BMP2K: variants seen among roughly 807,000 people sequenced by gnomAD.
BMP2K encodes BMP2 inducible kinase, also known as BMP-2-inducible protein kinase.
In BMP2K, 74 loss-of-function variants were observed where a neutral mutation model predicts 116.0. The observed-to-expected ratio is 0.64, with a 90% CI of 0.53 to 0.77. The LOEUF (loss-of-function observed/expected upper bound fraction) is 0.77. Ranked by LOEUF, BMP2K falls within the 30% of genes least tolerant of loss-of-function variation. The pLI is 0.00. For missense variants in BMP2K, 1,365 were observed against 1,403.6 expected (o/e 0.97, Z 0.44); for synonymous variants, 486 against 502.5 (o/e 0.97, Z 0.44).
chr4:78,872,915 C>T (rs1381064938), intron 13 of BMP2K, 117 bp downstream of exon 13: 2 of 1,043,994 alleles, frequency 1.9e-6, no homozygotes, highest in East Asian at 5.1e-5. Context: ...TGTAGAGCCA[C>T]CCATTCTCTC....
chr4:78,779,472 C>A (rs764583102), intron 1 of BMP2K, among the ~76,000 whole-genome samples: 1 of 152,178 alleles, frequency 6.6e-6, no homozygotes, highest in South Asian at 2.1e-4. Flanking sequence ...AAAAACATGG[C>A]ACTAAATAGA....
intron 1 of BMP2K, 90 bp downstream of exon 1, chr4:78,776,811 C>T (rs1578457131): frequency 9.0e-7 from 1 of 1,108,464 alleles, no homozygotes; most frequent in Non-Finnish European, 1.1e-6. Flanking sequence ...TCCGGACTGA[C>T]TCTTATACCC....
At chr4:78,830,536 A>G (rs1730161163) in intron 2 of BMP2K, among the ~76,000 whole-genome samples, 1 of 152,210 alleles carries the variant, frequency 6.6e-6, no homozygotes, top group Non-Finnish European at 1.5e-5. Flanking sequence ...CTTTAGCTCT[A>G]AAAATCCTAG....
Position 78,911,041 on chromosome 4 carries a change from C to G in BMP2K, c.2494C>G (p.Leu832Val), listed in dbSNP as rs139297317. 382 of 1,613,840 alleles carry G rather than the reference C, an allele frequency of 2.4e-4. 1 individual carries two copies. The African/African-American group carries it at 4.7e-3, about 20-fold the overall frequency. ...DRSGSGPTQDLNTILLTSAQL... is the reference protein window; with the variant it reads ...DRSGSGPTQDVNTILLTSAQL... Reference sequence around the variant, plus strand: ...ATCTGGCAGTGGACCAACCCAAGATCTTAATACAATACTCCTCACCTCAGC... The same window carrying G: ...ATCTGGCAGTGGACCAACCCAAGATGTTAATACAATACTCCTCACCTCAGC... The change falls in exon 16 of 16, where the codon CTT becomes GTT. Residue 832 changes from leucine to valine, a missense_variant. Physicochemically the swap from Leu to Val is conservative, Grantham distance 32 (BLOSUM62 1). Coordinates refer to ENST00000502613, the MANE Select transcript of BMP2K (RefSeq NM_198892.2).
chr4:78,863,738 C>T (rs1049789621), intron 9 of BMP2K, among the ~76,000 whole-genome samples: 3 of 152,172 alleles, frequency 2.0e-5, no homozygotes, highest in African/African-American at 7.2e-5. Flanking sequence ...GATTTTGTAT[C>T]TTCCCTATGC....
intron 15 of BMP2K, among the ~76,000 whole-genome samples, chr4:78,908,374 T>C (rs987785304): frequency 6.6e-6 from 1 of 152,202 alleles, no homozygotes; most frequent in Non-Finnish European, 1.5e-5. Context: ...CATTCTTCTC[T>C]CTCCATTTCT....
intron 9 of BMP2K, among the ~76,000 whole-genome samples, chr4:78,861,809 T>G (rs900208553): frequency 6.6e-6 from 1 of 151,984 alleles, no homozygotes; most frequent in Non-Finnish European, 1.5e-5. Flanking sequence ...AGATGTTTAT[T>G]TTTTTAATTT....
At chr4:78,794,943 G>T (rs1053336863) in intron 1 of BMP2K, among the ~76,000 whole-genome samples, 12 of 152,204 alleles carry the variant, frequency 7.9e-5, no homozygotes, top group African/African-American at 2.9e-4. Flanking sequence ...GCATTGGAGG[G>T]TATGTAAATT....
chr4:78,780,393 C>T (rs1727447855), intron 1 of BMP2K, among the ~76,000 whole-genome samples: 1 of 152,090 alleles, frequency 6.6e-6, no homozygotes, highest in Non-Finnish European at 1.5e-5. Context: ...GAATTTACTA[C>T]AGGGTTCTTT....
rs1474301348 is a variant in BMP2K at position 78,916,266 on chromosome 4, T to C, written c.*4233T>C. Reference sequence around the variant, plus strand: ...TTCTGTCCCTGATTCACTGTTTTGTTTGAAATTTAAAGTTATTTTCTTACT... The same window carrying C: ...TTCTGTCCCTGATTCACTGTTTTGTCTGAAATTTAAAGTTATTTTCTTACT... On this transcript the variant is annotated 3_prime_UTR_variant, in exon 16 of 16. Coordinates refer to ENST00000502613, the MANE Select transcript of BMP2K (RefSeq NM_198892.2). The C allele has an allele frequency of 6.6e-6, 1 of 151,972 alleles. No homozygotes were observed. The highest frequency in any genetic ancestry group is 1.5e-5 in the Non-Finnish European group (1 of 67,870). 9.4% of individuals were successfully genotyped at this position (151,972 alleles called of 1,614,324 possible). A position where few individuals can be genotyped will look rare whatever the true frequency, so the allele number is the denominator to read the frequency against.
chr4:78,911,532 G>A lies in BMP2K; in HGVS notation c.2985G>A (p.Lys995=), dbSNP rs373767396. The change falls in exon 16 of 16, where the codon AAG becomes AAA. Residue 995 remains lysine (K), a synonymous_variant. Transcript: ENST00000502613. ...TKQDMSKSNG[K]RHHGTPTSTK... ...AGGATATGTCCAAAAGTAATGGGAAGCGGCATCATGGCACGCCAACTAGCA... is the reference window on the plus strand; with the variant it reads ...AGGATATGTCCAAAAGTAATGGGAAACGGCATCATGGCACGCCAACTAGCA... The A allele has an allele frequency of 2.8e-5, 45 of 1,614,050 alleles. No homozygotes were observed. In the African/African-American group the frequency reaches 5.5e-4, roughly 20 times the overall value.
chr4:78,835,255 G>A (rs1472278872), intron 3 of BMP2K, among the ~76,000 whole-genome samples: 4 of 152,028 alleles, frequency 2.6e-5, no homozygotes, highest in South Asian at 2.1e-4. Context: ...ATAGTTATCC[G>A]GTATTCAAAT....
intron 3 of BMP2K, among the ~76,000 whole-genome samples, chr4:78,834,743 A>C (rs1459213052): frequency 1.3e-5 from 2 of 152,132 alleles, no homozygotes; most frequent in Non-Finnish European, 2.9e-5. Context: ...GCGGAAAAAG[A>C]GGGGGATGAT....
At chr4:78,821,715 G>A (rs1295360946) in intron 1 of BMP2K, among the ~76,000 whole-genome samples, 2 of 152,072 alleles carry the variant, frequency 1.3e-5, no homozygotes, top group Non-Finnish European at 2.9e-5. Flanking sequence ...CTGTTTTAAG[G>A]ATTATTTTGT....
intron 7 of BMP2K, among the ~76,000 whole-genome samples, chr4:78,853,933 G>C (rs1181999941): frequency 1.3e-5 from 2 of 151,976 alleles, no homozygotes; most frequent in African/African-American, 2.4e-5. Context: ...TGATTTTCTG[G>C]ATAGGGGCAG....
chr4:78,901,230 A>T (rs947915067), intron 15 of BMP2K, among the ~76,000 whole-genome samples: 5 of 142,104 alleles, frequency 3.5e-5, no homozygotes, highest in African/African-American at 8.1e-5. Context: ...TTATTTTATT[A>T]TTTTTTTTTT....
At chr4:78,806,474 G>A (rs544385899) in intron 1 of BMP2K, among the ~76,000 whole-genome samples, 2 of 152,084 alleles carry the variant, frequency 1.3e-5, no homozygotes, top group African/African-American at 4.8e-5. Context: ...TATCATGCCC[G>A]GTCTGTATGT....
At chr4:78,883,028 T>C (rs1732935269) in intron 14 of BMP2K, among the ~76,000 whole-genome samples, 1 of 152,130 alleles carries the variant, frequency 6.6e-6, no homozygotes, top group Non-Finnish European at 1.5e-5. Flanking sequence ...AGAATTAACT[T>C]TGTAGACTAT....
intron 1 of BMP2K, chr4:78,820,930 C>T (rs554628920): frequency 3.9e-5 from 6 of 152,624 alleles, no homozygotes; most frequent in East Asian, 3.9e-4. Flanking sequence ...TGGAATATTT[C>T]CCTAATTTTA....
Sources: allele counts gnomAD v4.1 joint callset (sites outside exome capture counted in the v4.1 genomes callset), GRCh38; gene constraint gnomAD v4.1.1; transcripts MANE v1.5; gene names NCBI Gene and HGNC (gene_info 2026-07-23, HGNC 2026-07-21).